RADIL: variants seen among roughly 807,000 people sequenced by gnomAD.
The protein encoded by RADIL is ras-associating and dilute domain-containing protein.
Under a neutral mutation model 97.6 loss-of-function variants are expected in RADIL, and 99 were observed. The observed-to-expected ratio is 1.01, with a 90% CI of 0.86 to 1.20. The LOEUF (loss-of-function observed/expected upper bound fraction) is 1.20. Ranked by LOEUF, RADIL falls within the 50% of genes most tolerant of loss-of-function variation. The pLI is 0.00. For missense variants in RADIL, 1,765 were observed against 1,498.9 expected, an observed-to-expected ratio of 1.18 and a Z score of -2.93; for synonymous variants, 803 against 691.8, an observed-to-expected ratio of 1.16 and a Z score of -2.52.
intron 2 of RADIL, among the ~76,000 whole-genome samples, chr7:4,863,514 A>G (rs2115037099): frequency 6.6e-6 from 1 of 152,326 alleles, no homozygotes; most frequent in Non-Finnish European, 1.5e-5. Context: ...CTTTGTTTCC[A>G]GTAGATGTTC....
In RADIL at chr7:4,803,689, C is replaced by T. The variant is rs543235806; in HGVS notation, c.2356G>A (p.Asp786Asn). Residue 786 changes from aspartate (D) to asparagine (N), a missense_variant, in exon 11 of 15, where the codon GAC becomes AAC. Physicochemically the swap from Asp to Asn is conservative, Grantham distance 23 (BLOSUM62 1). Coordinates refer to ENST00000399583, the MANE Select transcript of RADIL (RefSeq NM_018059.5). ...TCGTCCAGGCAGTTGGCTTCCAAGT[C>T]CACCTGGAAGCCGTCGCTGGGCAGG... ...IVLPSDGFQV[D>N]LEANCLDDSI... is the part of the protein sequence containing the mutation. The T allele has an allele frequency of 1.5e-5, 23 of 1,561,732 alleles. No individual in the cohort carries two copies. In the East Asian group the frequency reaches 1.7e-4, roughly 11 times the overall value.
chr7:4,808,709 GTTTCTCCTTCC>G (rs1782429005), intron 9 of RADIL: 1 of 900,500 alleles, frequency 1.1e-6, no homozygotes, highest in Non-Finnish European at 1.3e-6. Flanking sequence ...CTGCCCCTCC[GTTTCTCCTTCC>G]AACGCCACTG....
intron 1 of RADIL, among the ~76,000 whole-genome samples, chr7:4,881,145 G>A (rs1433949358): frequency 6.7e-6 from 1 of 150,150 alleles, no homozygotes; most frequent in Non-Finnish European, 1.5e-5. Flanking sequence ...GCTGGGCACG[G>A]TGGCTCACGC....
chr7:4,817,385 G>T lies in RADIL; in HGVS notation c.1616-34C>A. 2 of 1,584,478 alleles carry T rather than the reference G, an allele frequency of 1.3e-6. No homozygotes were observed. The highest frequency in any genetic ancestry group is 8.6e-7 in the Non-Finnish European group (1 of 1,160,808). On this transcript the variant is annotated intron_variant, in intron 6 of 14. Transcript: ENST00000399583. The surrounding 1 kb of genome is among the most constrained non-coding windows in gnomAD (Gnocchi z 8.3). ...AGACAGCCACGCCAATGGTCACAAC[G>T]GGCACAGCGCTCAGGAACGCAGCAA...
chr7:4,820,894 C>A (rs561003489), intron 6 of RADIL, among the ~76,000 whole-genome samples: 3 of 152,352 alleles, frequency 2.0e-5, no homozygotes, highest in South Asian at 2.1e-4. Flanking sequence ...CCACGGAGAG[C>A]CCCTCCTCTC....
At position 4,836,546 on chromosome 7, in the gene RADIL, C is replaced by A; in HGVS notation, c.595G>T (p.Ala199Ser). 3 of 1,607,836 alleles carry A rather than the reference C, an allele frequency of 1.9e-6. No individual in the cohort carries two copies. The highest frequency in any genetic ancestry group is 2.5e-6 in the Non-Finnish European group (3 of 1,179,466). Reference sequence around the variant, plus strand: ...GGAGAGCTCCGGGCATCCCCCAGGGCCGGGGTCGGGGTTCCCTTCGCGCGA... The same window carrying A: ...GGAGAGCTCCGGGCATCCCCCAGGGACGGGGTCGGGGTTCCCTTCGCGCGA... Reference protein sequence around the residue: ...RSRAKGTPTPALGDARSSPPP... With the variant: ...RSRAKGTPTPSLGDARSSPPP... The change falls in exon 3 of 15, where the codon GCC becomes TCC. Residue 199 changes from alanine to serine, a missense_variant. Ala to Ser is a moderately conservative substitution (Grantham distance 99). Transcript: ENST00000399583.
At position 4,879,681 on chromosome 7, in the gene RADIL, C is replaced by T. The variant is rs570023858; in HGVS notation, c.-64-1478G>A. On this transcript the variant is annotated intron_variant, in intron 1 of 14. Coordinates refer to ENST00000399583, the MANE Select transcript of RADIL (RefSeq NM_018059.5). This position sits in a 1 kb window ranked among gnomAD's most constrained non-coding sequence, Gnocchi z 4.1. ...CGCTGCAAAAGGCTTCTGGAAAGGACGGTGGCTGCCTAGGGCCACAGAAAG... is the reference window on the plus strand; with the variant it reads ...CGCTGCAAAAGGCTTCTGGAAAGGATGGTGGCTGCCTAGGGCCACAGAAAG... Among the ~76,000 whole-genome samples the T allele has an allele frequency of 1.3e-5, 2 of 152,162 alleles. No individual in the cohort carries two copies. Among genetic ancestry groups the T allele is most frequent in the East Asian group, 1.9e-4 (1 of 5,186 alleles).
intron 5 of RADIL, among the ~76,000 whole-genome samples, chr7:4,827,088 A>G (rs979196838): frequency 1.3e-5 from 2 of 152,106 alleles, no homozygotes; most frequent in Non-Finnish European, 2.9e-5. Flanking sequence ...AGGACAGGCC[A>G]GGAGCGTGGC....
chr7:4,850,709 T>TTTA, intron 2 of RADIL, among the ~76,000 whole-genome samples: 1 of 152,136 alleles, frequency 6.6e-6, no homozygotes, highest in Admixed American at 6.5e-5. Flanking sequence ...CACAAGGAAT[T>TTTA]GAACTCTGCC....
chr7:4,801,186 ACACACCCATGCACACACGCACCAG>A (rs1174111864), intron 12 of RADIL, among the ~76,000 whole-genome samples: 4 of 152,064 alleles, frequency 2.6e-5, no homozygotes, highest in East Asian at 1.9e-4. Context: ...ATGCAGATGC[ACACACCCATGCACACACGCACCAG>A]CACACCCATG....
intron 2 of RADIL, chr7:4,861,834 G>GCATGTCCCCCACCACCGCGACCTT: frequency 3.2e-6 from 4 of 1,268,408 alleles, no homozygotes; most frequent in South Asian, 2.1e-5. Context: ...CCCCGCCAGG[G>GCATGTCCCCCACCACCGCGACCTT]CACGTCCCCC....
chr7:4,808,599 G>A, intron 9 of RADIL: 2 of 985,344 alleles, frequency 2.0e-6, no homozygotes. Flanking sequence ...CTCACAGCTT[G>A]GCCCTTTACA....
chr7:4,815,419 T>C lies in RADIL; in HGVS notation c.1998A>G (p.Arg666=). ...GPSLSCFHWP[R]GVQACARLQQ... ...GCAGGCGGGCGCAGGCCTGGACACC[T>C]CTGGGCCAGTGGAAGCAGCTCAGGG... The change falls in exon 9 of 15, where the codon AGA becomes AGG. Residue 666 remains arginine, a synonymous_variant. Coordinates refer to ENST00000399583, the MANE Select transcript of RADIL (RefSeq NM_018059.5). The surrounding 1 kb of genome is among the most constrained non-coding windows in gnomAD (Gnocchi z 8.0). 1 of 1,547,706 alleles carries C rather than the reference T, an allele frequency of 6.5e-7. No individual in the cohort carries two copies. Among genetic ancestry groups the C allele is most frequent in the Non-Finnish European group, 8.7e-7 (1 of 1,144,490 alleles).
intron 5 of RADIL, among the ~76,000 whole-genome samples, chr7:4,831,123 G>A (rs1783127704): frequency 6.6e-6 from 1 of 151,432 alleles, no homozygotes; most frequent in Non-Finnish European, 1.5e-5. Flanking sequence ...CCTGAGAGGT[G>A]GAGGTTGCCG....
At position 4,822,682 on chromosome 7, in the gene RADIL, C is replaced by T. The variant is rs1232953692; in HGVS notation, c.1455-128G>A. On this transcript the variant is annotated intron_variant, in intron 5 of 14. Coordinates refer to ENST00000399583, the MANE Select transcript of RADIL (RefSeq NM_018059.5). The surrounding 1 kb of genome is among the most constrained non-coding windows in gnomAD (Gnocchi z 5.3). Reference sequence around the variant, plus strand: ...ACAACAACTGCAACCATCAACCTGACACTGCTGGGCGGGGACGTTTAACAA... The same window carrying T: ...ACAACAACTGCAACCATCAACCTGATACTGCTGGGCGGGGACGTTTAACAA... 1.8e-6 allele frequency: 2 copies of T among 1,095,788 alleles called. No homozygotes were observed. Among genetic ancestry groups the T allele is most frequent in the Non-Finnish European group, 2.6e-6 (2 of 776,088 alleles). 67.9% of individuals were successfully genotyped at this position (1,095,788 alleles called of 1,614,324 possible).
rs112228770 is a variant in RADIL, at chr7:4,804,377, G to T, written c.2291-623C>A. Among the ~76,000 whole-genome samples, 13 of 151,222 alleles carry T rather than the reference G, an allele frequency of 8.6e-5. No individual in the cohort carries two copies. In the East Asian group the frequency reaches 2.5e-3, roughly 29 times the overall value. ...GTTCTCCACGGTGACCCGGGGCTGC[G>T]GGGGGGCATCCAAGGCCCCATCGCC... On this transcript the variant is annotated intron_variant, in intron 10 of 14. Coordinates refer to ENST00000399583, the MANE Select transcript of RADIL (RefSeq NM_018059.5).
intron 14 of RADIL, 70 bp from the exon 15 acceptor site, chr7:4,799,553 C>T (rs1485783094): frequency 1.7e-5 from 27 of 1,611,656 alleles, no homozygotes; most frequent in Non-Finnish European, 2.3e-5. Flanking sequence ...GCAGCCGGGC[C>T]TCTCCTTTAC....
At position 4,813,208 on chromosome 7, in the gene RADIL, G is replaced by T. The variant is rs1782593048; in HGVS notation, c.2139+2070C>A. On this transcript the variant is annotated intron_variant, in intron 9 of 14. Coordinates refer to ENST00000399583, the MANE Select transcript of RADIL (RefSeq NM_018059.5). The surrounding 1 kb of genome is among the most constrained non-coding windows in gnomAD (Gnocchi z 5.0). The stretch of plus-strand genomic sequence containing the variant: ...GGCTCACTGAAGCGTTTAATTCCTG[G>T]ACTCAAATGATCCTCCTACCTCAAC... Among the ~76,000 whole-genome samples the T allele has an allele frequency of 6.6e-6, 1 of 151,750 alleles. No homozygotes were observed.
chr7:4,839,023 C>A (rs76290047), intron 2 of RADIL, among the ~76,000 whole-genome samples: 32 of 152,370 alleles, frequency 2.1e-4, no homozygotes, highest in African/African-American at 6.7e-4. Context: ...AATCACCCCC[C>A]ACAGGGAGCC....
Sources: allele counts gnomAD v4.1 joint callset (sites outside exome capture counted in the v4.1 genomes callset), GRCh38; gene constraint gnomAD v4.1.1; non-coding constraint Gnocchi (gnomAD v3.1); transcripts MANE v1.5; gene names NCBI Gene and HGNC (gene_info 2026-07-23, HGNC 2026-07-21).